CLSTN2: variants seen among roughly 807,000 people sequenced by gnomAD.
The protein encoded by CLSTN2 is calsyntenin-2.
CLSTN2 carries 48 observed loss-of-function variants against 101.2 expected under a neutral mutation model. The observed-to-expected ratio is 0.47, with a 90% confidence interval of 0.38 to 0.60. The LOEUF is 0.60. CLSTN2 is among the 20% of genes least tolerant of loss of function. CLSTN2 has a pLI of 0.00. For missense variants in CLSTN2, 1,160 were observed against 1,238.2 expected (o/e 0.94, Z 0.95); for synonymous variants, 481 against 463.6 (o/e 1.04, Z -0.48).
chr3:140,513,835 G>T (rs1278581215), intron 8 of CLSTN2, among the ~76,000 whole-genome samples: 1 of 151,766 alleles, frequency 6.6e-6, no homozygotes, highest in Non-Finnish European at 1.5e-5. Context: ...TCTATTCAGG[G>T]ATTCAATTTC....
intron 2 of CLSTN2, among the ~76,000 whole-genome samples, chr3:140,346,480 C>T (rs1418516087): frequency 1.3e-5 from 2 of 151,830 alleles, no homozygotes; most frequent in Non-Finnish European, 2.9e-5. Flanking sequence ...TCTGACTTCC[C>T]ATGTTTCCAG....
At chr3:140,507,456 G>A (rs1366284251) in intron 8 of CLSTN2, 1 of 152,156 alleles carries the variant, frequency 6.6e-6, no homozygotes, top group Non-Finnish European at 1.5e-5. Flanking sequence ...CCATGGTTTG[G>A]GGTGAGGTAG....
chr3:140,254,466 A>T (rs1011972139), intron 2 of CLSTN2, among the ~76,000 whole-genome samples: 2 of 152,224 alleles, frequency 1.3e-5, no homozygotes, highest in East Asian at 1.9e-4. Context: ...AAAGGCTAGG[A>T]TTAAAAATAG....
intron 8 of CLSTN2, among the ~76,000 whole-genome samples, chr3:140,510,299 TG>T (rs1311122293): frequency 1.3e-5 from 2 of 151,930 alleles, no homozygotes; most frequent in African/African-American, 4.8e-5. Flanking sequence ...CATCTAGGTG[TG>T]GAAAGGGAGA....
chr3:140,272,048 C>A (rs1198868041), intron 2 of CLSTN2, among the ~76,000 whole-genome samples: 1 of 152,152 alleles, frequency 6.6e-6, no homozygotes, highest in Non-Finnish European at 1.5e-5. Flanking sequence ...AAATGAATGC[C>A]GTTAACTTTC....
intron 2 of CLSTN2, among the ~76,000 whole-genome samples, chr3:140,399,173 C>T (rs540994390): frequency 2.0e-4 from 31 of 152,216 alleles, no homozygotes; most frequent in Admixed American, 2.0e-3. Flanking sequence ...CACCCAAAAG[C>T]ATATTGGAGG....
chr3:140,552,401 T>TA (rs5852986), intron 10 of CLSTN2, among the ~76,000 whole-genome samples: 87,248 of 138,772 alleles, frequency 0.63, 30,155 homozygotes, highest in East Asian at 0.86. Context: ...TACCGCAGTT[T>TA]AAAAAAAAAA....
chr3:140,441,943 G>A (rs138458799), intron 5 of CLSTN2, among the ~76,000 whole-genome samples: 15 of 152,244 alleles, frequency 9.9e-5, no homozygotes, highest in South Asian at 2.1e-4. Context: ...ACTCAGAAGC[G>A]GAAGTACTAT....
At chr3:140,282,312 A>T (rs2086855762) in intron 2 of CLSTN2, among the ~76,000 whole-genome samples, 2 of 152,138 alleles carry the variant, frequency 1.3e-5, no homozygotes, top group Admixed American at 1.3e-4. Flanking sequence ...ATTCCCTTTA[A>T]GCCTCACAAA....
chr3:139,952,024 A>T (rs1010168989), intron 1 of CLSTN2, among the ~76,000 whole-genome samples: 2 of 152,118 alleles, frequency 1.3e-5, no homozygotes, highest in Non-Finnish European at 2.9e-5. Context: ...GAGAGGCTGG[A>T]TTGCCTAAGA....
At chr3:140,513,583 CT>C (rs55778787) in intron 8 of CLSTN2, among the ~76,000 whole-genome samples, 53 of 117,752 alleles carry the variant, frequency 4.5e-4, no homozygotes, top group African/African-American at 1.1e-3. Context: ...TTTTTTCTTT[CT>C]TTTTTTTTTT....
At chr3:140,372,548 T>A (rs1462270891) in intron 2 of CLSTN2, among the ~76,000 whole-genome samples, 1 of 152,140 alleles carries the variant, frequency 6.6e-6, no homozygotes, top group East Asian at 1.9e-4. Context: ...TGCACTAAAA[T>A]TCCCCTGAAT....
At chr3:139,951,121 A>G (rs1037082930) in intron 1 of CLSTN2, among the ~76,000 whole-genome samples, 4 of 152,204 alleles carry the variant, frequency 2.6e-5, no homozygotes, top group Admixed American at 2.0e-4. Flanking sequence ...GGTACAGGGA[A>G]GAGAACTGTG....
chr3:140,280,857 G>T (rs903453414), intron 2 of CLSTN2, among the ~76,000 whole-genome samples: 137 of 152,252 alleles, frequency 9.0e-4, no homozygotes, highest in African/African-American at 3.2e-3. Flanking sequence ...TGTAAAATAA[G>T]GACTTTTGTA....
At chr3:139,958,377 C>G (rs755463188) in intron 1 of CLSTN2, among the ~76,000 whole-genome samples, 4 of 152,148 alleles carry the variant, frequency 2.6e-5, no homozygotes, top group Admixed American at 6.5e-5. Flanking sequence ...TGTGCTCATT[C>G]ATTTTTAGCT....
At chr3:140,384,938 C>T (rs572103470) in intron 2 of CLSTN2, among the ~76,000 whole-genome samples, 1 of 152,282 alleles carries the variant, frequency 6.6e-6, no homozygotes, top group African/African-American at 2.4e-5. Flanking sequence ...GGATCTTTTG[C>T]ACCTGCCATT....
intron 1 of CLSTN2, among the ~76,000 whole-genome samples, chr3:140,039,804 C>A (rs1440115484): frequency 1.3e-5 from 2 of 152,026 alleles, no homozygotes; most frequent in African/African-American, 4.8e-5. Context: ...TATAAATAGA[C>A]ATAGATATAT....
rs560470990 is a variant in CLSTN2, at chr3:140,461,722, G to A, written c.1222+1953G>A. ...AATAAGAATCTTGGAGGAGCCTAATGGGAAGCCATGGCTGAACTTGGCCTC... is the reference window on the plus strand; with the variant it reads ...AATAAGAATCTTGGAGGAGCCTAATAGGAAGCCATGGCTGAACTTGGCCTC... On this transcript the variant is annotated intron_variant, in intron 7 of 16. Coordinates refer to ENST00000458420, the MANE Select transcript of CLSTN2 (RefSeq NM_022131.3). Among the ~76,000 whole-genome samples, 5 of 152,164 alleles carry A rather than the reference G, an allele frequency of 3.3e-5. No homozygotes were observed. The South Asian group carries it at 1.0e-3, about 32-fold the overall frequency.
intron 1 of CLSTN2, among the ~76,000 whole-genome samples, chr3:140,089,821 A>C (rs927242813): frequency 4.0e-5 from 6 of 151,700 alleles, no homozygotes; most frequent in African/African-American, 1.5e-4. Flanking sequence ...CATGTTGCCC[A>C]GGCTAGTCTC....
Sources: allele counts gnomAD v4.1 joint callset (sites outside exome capture counted in the v4.1 genomes callset), GRCh38; gene constraint gnomAD v4.1.1; transcripts MANE v1.5; gene names NCBI Gene and HGNC (gene_info 2026-07-23, HGNC 2026-07-21).